ANKHD1: variants seen among roughly 807,000 people sequenced by gnomAD.
ANKHD1 encodes the protein ankyrin repeat and KH domain-containing protein 1.
In ANKHD1, 31 loss-of-function variants were observed where a neutral mutation model predicts 230.5. That is an observed-to-expected ratio of 0.13 (90% CI 0.10 to 0.18). The LOEUF (loss-of-function observed/expected upper bound fraction) is 0.18. Ranked by LOEUF, ANKHD1 falls within the 10% of genes least tolerant of loss-of-function variation. The pLI, the probability that ANKHD1 is intolerant of heterozygous loss-of-function variation, is 1.00. For synonymous variants in ANKHD1, 1,074 were observed against 1,117.6 expected (o/e 0.96, Z 0.78); for missense variants, 2,256 against 3,071.3 (o/e 0.73, Z 6.27).
chr5:140,471,652 T>A (rs1460871448), intron 10 of ANKHD1, among the ~76,000 whole-genome samples: 2 of 152,196 alleles, frequency 1.3e-5, no homozygotes, highest in Non-Finnish European at 1.5e-5. Flanking sequence ...GGTCAATGAC[T>A]GAAAAGCTTC....
At chr5:140,442,030 A>ATTTTTTTTTTTTTTTTTTT (rs1561726990) in intron 5 of ANKHD1, among the ~76,000 whole-genome samples, 1 of 134,568 alleles carries the variant, frequency 7.4e-6, no homozygotes, top group African/African-American at 2.8e-5. Context: ...CTAATAAGAT[A>ATTTTTTTTTTTTTTTTTTT]TTCTTTTTTT....
At chr5:140,425,061 C>T (rs1204568908) in intron 1 of ANKHD1, among the ~76,000 whole-genome samples, 6 of 152,152 alleles carry the variant, frequency 3.9e-5, no homozygotes, top group Admixed American at 2.6e-4. Flanking sequence ...ATTTTTCCTT[C>T]TCCTGTTTTC....
chr5:140,493,979 T>C (rs1349808812), intron 14 of ANKHD1, among the ~76,000 whole-genome samples: 3 of 152,206 alleles, frequency 2.0e-5, no homozygotes, highest in African/African-American at 7.2e-5. Flanking sequence ...TGTTGAACTC[T>C]TACCTAGTTT....
chr5:140,521,957 T>G (rs1250985077), intron 24 of ANKHD1, among the ~76,000 whole-genome samples: 2 of 152,216 alleles, frequency 1.3e-5, no homozygotes, highest in African/African-American at 4.8e-5. Flanking sequence ...CCAGCCTGGG[T>G]GACAGAGCAA....
intron 22 of ANKHD1, among the ~76,000 whole-genome samples, chr5:140,512,223 C>T (rs962589866): frequency 3.5e-5 from 5 of 144,750 alleles, no homozygotes; most frequent in African/African-American, 1.3e-4. Flanking sequence ...GCAACAACAG[C>T]GAGACTCCCA....
Position 140,527,014 on chromosome 5 carries a change from A to C in ANKHD1, c.5027A>C (p.Asn1676Thr). The C allele has an allele frequency of 1.2e-6, 2 of 1,613,822 alleles. No individual in the cohort carries two copies. The highest frequency in any genetic ancestry group is 1.7e-6 in the Non-Finnish European group (2 of 1,179,868). ...LPLSSPNIKL[N>T]LTSPKRGQKR... ...TTAAGCTCTCCAAACATAAAGCTGAATCTCACTAGCCCTAAAAGGGGTCAG... is the reference window on the plus strand; with the variant it reads ...TTAAGCTCTCCAAACATAAAGCTGACTCTCACTAGCCCTAAAAGGGGTCAG... The change falls in exon 27 of 34, where the codon AAT becomes ACT. Residue 1676 changes from asparagine to threonine, a missense_variant. Physicochemically the swap from Asn to Thr is moderately conservative, Grantham distance 65 (BLOSUM62 0). This residue lies in a region of ANKHD1 where 212 missense variants were observed against 257.3 expected (regional missense o/e 0.82). Transcript: ENST00000360839. This position sits in a 1 kb window ranked among gnomAD's most constrained non-coding sequence, Gnocchi z 4.5.
In ANKHD1 at chr5:140,401,993, G is replaced by T; in HGVS notation, c.26G>T (p.Gly9Val). MLTDSGGG[G>V]TSFEEDLDSV... Reference sequence around the variant, plus strand: ...ATGCTGACTGATAGCGGAGGCGGCGGCACCTCCTTTGAGGAGGACCTGGAC... The same window carrying T: ...ATGCTGACTGATAGCGGAGGCGGCGTCACCTCCTTTGAGGAGGACCTGGAC... The change falls in exon 1 of 34, where the codon GGC becomes GTC. Residue 9 changes from glycine to valine, a missense_variant. Around this residue, in one of 13 missense-constraint regions of ANKHD1, gnomAD observed 193 missense variants for 185.8 expected, o/e 1.04. Transcript: ENST00000360839. 4 of 1,557,766 alleles carry T rather than the reference G, an allele frequency of 2.6e-6. No homozygotes were observed. Among genetic ancestry groups the T allele is most frequent in the Non-Finnish European group, 3.5e-6 (4 of 1,156,820 alleles).
chr5:140,404,723 C>T (rs1377446926), intron 1 of ANKHD1, among the ~76,000 whole-genome samples: 1 of 151,304 alleles, frequency 6.6e-6, no homozygotes, highest in Non-Finnish European at 1.5e-5. Context: ...CCACGCCCGG[C>T]CTTAATTTTT....
Position 140,459,218 on chromosome 5 carries a change from C to T in ANKHD1, c.1535C>T (p.Ala512Val). Reference sequence around the variant, plus strand: ...ACTCAAGAAACTGCTCTTACTTTGGCTTGCTGTGGAGGATTTTCTGAAGTT... The same window carrying T: ...ACTCAAGAAACTGCTCTTACTTTGGTTTGCTGTGGAGGATTTTCTGAAGTT... ...EETQETALTL[A>V]CCGGFSEVAD... Residue 512 changes from alanine to valine, a missense_variant, in exon 9 of 34, where the codon GCT becomes GTT. Physicochemically the swap from Ala to Val is moderately conservative, Grantham distance 64 (BLOSUM62 0). Coordinates refer to ENST00000360839, the MANE Select transcript of ANKHD1 (RefSeq NM_017747.3). 1.2e-6 allele frequency: 2 copies of T among 1,600,220 alleles called. No homozygotes were observed. The highest frequency in any genetic ancestry group is 1.7e-6 in the Non-Finnish European group (2 of 1,170,460).
At chr5:140,458,022 T>A (rs1422121887) in intron 7 of ANKHD1, among the ~76,000 whole-genome samples, 2 of 152,196 alleles carry the variant, frequency 1.3e-5, no homozygotes, top group Non-Finnish European at 2.9e-5. Flanking sequence ...TGTCTTTATT[T>A]TTACATCATT....
chr5:140,404,685 A>C (rs1294203549), intron 1 of ANKHD1, among the ~76,000 whole-genome samples: 1 of 151,032 alleles, frequency 6.6e-6, no homozygotes, highest in East Asian at 1.9e-4. Context: ...TCGCCCTCTC[A>C]GAGTGCTGGG....
intron 5 of ANKHD1, among the ~76,000 whole-genome samples, chr5:140,443,926 C>T (rs909453157): frequency 2.6e-5 from 4 of 151,960 alleles, no homozygotes; most frequent in Non-Finnish European, 5.9e-5. Flanking sequence ...CCTAGGTCTC[C>T]CCATCTTCTT....
chr5:140,441,775 CAG>C (rs949217937), intron 5 of ANKHD1, among the ~76,000 whole-genome samples: 2 of 151,954 alleles, frequency 1.3e-5, no homozygotes, highest in South Asian at 4.1e-4. Flanking sequence ...GCTCTTGCCA[CAG>C]GGGGCAAAAT....
rs1753659004 is a variant in ANKHD1, at chr5:140,527,526, ATT to A, written c.5088-346_5088-345del. 1 of 209,498 alleles carries A rather than the reference ATT, an allele frequency of 4.8e-6. No individual in the cohort carries two copies. Among genetic ancestry groups the A allele is most frequent in the Non-Finnish European group, 9.5e-6 (1 of 104,962 alleles). The allele number at this position is 209,498 out of a possible 1,614,324, so 13.0% of individuals were successfully genotyped here. On this transcript the variant is annotated intron_variant, in intron 27 of 33. Coordinates refer to ENST00000360839, the MANE Select transcript of ANKHD1 (RefSeq NM_017747.3). The surrounding 1 kb of genome is among the most constrained non-coding windows in gnomAD (Gnocchi z 4.5). ...TCTGTGTGGATTTTAATAATATGGT[ATT>A]CATTATTTTAACAGGGTCATTGCAG...
intron 1 of ANKHD1, among the ~76,000 whole-genome samples, chr5:140,402,854 T>G (rs1265342008): frequency 6.6e-6 from 1 of 151,924 alleles, no homozygotes; most frequent in Non-Finnish European, 1.5e-5. Context: ...TTTTGTGAAG[T>G]TAGACAGGAA....
At chr5:140,460,635 C>T (rs1775635658) in intron 9 of ANKHD1, among the ~76,000 whole-genome samples, 1 of 152,130 alleles carries the variant, frequency 6.6e-6, no homozygotes, top group Admixed American at 6.6e-5. Context: ...ATCCTTCAGC[C>T]TCAGCCTCCC....
At position 140,420,491 on chromosome 5, in the gene ANKHD1, T is replaced by G. The variant is rs535754568; in HGVS notation, c.307-15613T>G. On this transcript the variant is annotated intron_variant, in intron 1 of 33. Transcript: ENST00000360839. Reference sequence around the variant, plus strand: ...CTTACATTTAGGTCTCTGATCCAATTTGAGTTAATTTTTATATATAAGGCG... The same window carrying G: ...CTTACATTTAGGTCTCTGATCCAATGTGAGTTAATTTTTATATATAAGGCG... Among the ~76,000 whole-genome samples, 4 of 152,308 alleles carry G rather than the reference T, an allele frequency of 2.6e-5. No homozygotes were observed. The South Asian group carries it at 8.3e-4, about 32-fold the overall frequency.
intron 30 of ANKHD1, among the ~76,000 whole-genome samples, chr5:140,536,258 T>C (rs1326359420): frequency 6.6e-6 from 1 of 152,166 alleles, no homozygotes; most frequent in Non-Finnish European, 1.5e-5. Flanking sequence ...CACGCCTGGC[T>C]AATTTTTATA....
rs992425016 is a variant in ANKHD1, at chr5:140,452,083, T to A, written c.1242+2778T>A. On this transcript the variant is annotated intron_variant, in intron 7 of 33. Transcript: ENST00000360839. ...ACACCAGGAGATTATATCCCGCGCG[T>A]GGCTCAAAGGGTCCCACACCCACGG... is the stretch of plus-strand genomic sequence containing the variant. 2.6e-5 allele frequency among the ~76,000 whole-genome samples: 4 copies of A among 152,212 alleles called. No individual in the cohort carries two copies. In the East Asian group the frequency reaches 7.7e-4, roughly 29 times the overall value.
Sources: allele counts gnomAD v4.1 joint callset (sites outside exome capture counted in the v4.1 genomes callset), GRCh38; gene constraint gnomAD v4.1.1; regional missense constraint gnomAD v4.1.1; non-coding constraint Gnocchi (gnomAD v3.1); transcripts MANE v1.5; gene names NCBI Gene and HGNC (gene_info 2026-07-23, HGNC 2026-07-21).